DOK6: variants seen among roughly 807,000 people sequenced by gnomAD.
DOK6 encodes the protein docking protein 6, also known as downstream of tyrosine kinase 6.
A neutral mutation model predicts 44.0 loss-of-function variants in DOK6; 22 were observed. That is an observed-to-expected ratio of 0.50 (90% CI 0.36 to 0.71). The LOEUF (loss-of-function observed/expected upper bound fraction) is 0.71, where lower values mean the gene tolerates loss of function less well. Ranked by LOEUF, DOK6 falls within the 30% of genes least tolerant of loss-of-function variation. The pLI, the probability that DOK6 is intolerant of heterozygous loss-of-function variation, is 0.00. For missense variants in DOK6, 340 were observed against 416.4 expected, an observed-to-expected ratio of 0.82 and a Z score of 1.60; for synonymous variants, 166 against 145.5, an observed-to-expected ratio of 1.14 and a Z score of -1.01.
At chr18:69,655,279 TA>T (rs1985331267) in intron 3 of DOK6, among the ~76,000 whole-genome samples, 1 of 151,554 alleles carries the variant, frequency 6.6e-6, no homozygotes, top group African/African-American at 2.4e-5. Flanking sequence ...AAAATAAATA[TA>T]AGAAAAAATA....
chr18:69,495,336 C>T (rs1980852309), intron 1 of DOK6, among the ~76,000 whole-genome samples: 1 of 152,348 alleles, frequency 6.6e-6, no homozygotes, highest in South Asian at 2.1e-4. Flanking sequence ...GCTCTTTCAG[C>T]CCTGCCGTTC....
At chr18:69,720,622 C>G (rs967653574) in intron 5 of DOK6, among the ~76,000 whole-genome samples, 2 of 152,154 alleles carry the variant, frequency 1.3e-5, no homozygotes, top group Admixed American at 6.5e-5. Flanking sequence ...AATGCTGACT[C>G]AATCCTTTTA....
intron 1 of DOK6, among the ~76,000 whole-genome samples, chr18:69,482,442 C>T (rs545756659): frequency 1.3e-5 from 2 of 150,986 alleles, no homozygotes; most frequent in South Asian, 2.1e-4. Flanking sequence ...TGACAATTTT[C>T]TTACAGCATA....
chr18:69,805,629 G>C (rs1055426512), intron 7 of DOK6, among the ~76,000 whole-genome samples: 2 of 152,060 alleles, frequency 1.3e-5, no homozygotes, highest in African/African-American at 4.8e-5. Context: ...GCCATCTCAT[G>C]AATATGTGGG....
At chr18:69,700,262 T>G (rs550735480) in intron 5 of DOK6, among the ~76,000 whole-genome samples, 2 of 141,326 alleles carry the variant, frequency 1.4e-5, no homozygotes, top group South Asian at 4.6e-4. Context: ...TAAGGTTTTG[T>G]CGGGGTTGGG....
At chr18:69,589,667 A>T (rs867746258) in intron 2 of DOK6, among the ~76,000 whole-genome samples, 1 of 152,262 alleles carries the variant, frequency 6.6e-6, no homozygotes, top group Middle Eastern at 3.4e-3. Flanking sequence ...AATTGTAGTG[A>T]GTAAGATCTG....
intron 1 of DOK6, among the ~76,000 whole-genome samples, chr18:69,546,049 G>T (rs151240110): frequency 0.017 from 2,620 of 151,252 alleles, 83 homozygotes; most frequent in African/African-American, 0.057. Context: ...AGGCCAAGGC[G>T]GGCGGATCAC....
chr18:69,710,675 A>G (rs1986735451), intron 5 of DOK6, among the ~76,000 whole-genome samples: 1 of 152,192 alleles, frequency 6.6e-6, no homozygotes, highest in African/African-American at 2.4e-5. Flanking sequence ...GAACTTCCAG[A>G]CACTAGATTT....
At chr18:69,566,151 A>G (rs536982885) in intron 2 of DOK6, among the ~76,000 whole-genome samples, 127 of 151,824 alleles carry the variant, frequency 8.4e-4, no homozygotes, top group Middle Eastern at 3.4e-3. Context: ...TTATTTACTT[A>G]TTTATAGACG....
chr18:69,665,791 C>G (rs1985641735), intron 3 of DOK6, among the ~76,000 whole-genome samples: 1 of 151,398 alleles, frequency 6.6e-6, no homozygotes, highest in South Asian at 2.1e-4. Flanking sequence ...GTAGTTACAC[C>G]CACAGTTTTG....
chr18:69,659,497 C>T (rs4445986), intron 3 of DOK6, among the ~76,000 whole-genome samples: 43,958 of 152,128 alleles, frequency 0.29, 7,507 homozygotes, highest in Non-Finnish European at 0.38. Context: ...CCCTGAGAAA[C>T]TGAACATTGC....
At chr18:69,818,182 G>A (rs1312528337) in intron 7 of DOK6, among the ~76,000 whole-genome samples, 2 of 152,104 alleles carry the variant, frequency 1.3e-5, no homozygotes, top group African/African-American at 4.8e-5. Context: ...TGCGAACAGG[G>A]GGCATTTTGG....
chr18:69,789,230 T>A (rs531415941), intron 7 of DOK6, among the ~76,000 whole-genome samples: 36 of 152,306 alleles, frequency 2.4e-4, no homozygotes, highest in South Asian at 8.3e-4. Flanking sequence ...TTAATGGAAA[T>A]TATTAAATAT....
At chr18:69,516,556 T>C (rs7230697) in intron 1 of DOK6, among the ~76,000 whole-genome samples, 30,093 of 152,152 alleles carry the variant, frequency 0.2, 3,217 homozygotes, top group African/African-American at 0.24. Context: ...GGCAAACATT[T>C]ATCTAAAGGC....
intron 1 of DOK6, among the ~76,000 whole-genome samples, chr18:69,493,453 G>C (rs1374790616): frequency 6.6e-6 from 1 of 152,096 alleles, no homozygotes; most frequent in Non-Finnish European, 1.5e-5. Flanking sequence ...CAGATATTCA[G>C]CCTCAACCAG....
intron 1 of DOK6, among the ~76,000 whole-genome samples, chr18:69,444,950 GT>G (rs1979241815): frequency 6.6e-6 from 1 of 151,858 alleles, no homozygotes; most frequent in African/African-American, 2.4e-5. Flanking sequence ...ACACTATGAA[GT>G]CTTTAAGTCG....
At chr18:69,595,223 T>C (rs1983713549) in intron 2 of DOK6, among the ~76,000 whole-genome samples, 1 of 152,210 alleles carries the variant, frequency 6.6e-6, no homozygotes, top group Non-Finnish European at 1.5e-5. Context: ...CCAATGTCTT[T>C]TTTTACAGAA....
At chr18:69,676,794 G>C (rs1985931969) in intron 3 of DOK6, among the ~76,000 whole-genome samples, 1 of 152,124 alleles carries the variant, frequency 6.6e-6, no homozygotes, top group African/African-American at 2.4e-5. Context: ...GCACAGATAT[G>C]ATCCTAACCC....
intron 3 of DOK6, among the ~76,000 whole-genome samples, chr18:69,645,738 T>C (rs1295783095): frequency 2.6e-5 from 4 of 152,198 alleles, no homozygotes; most frequent in Non-Finnish European, 4.4e-5. Flanking sequence ...TAATTATTCA[T>C]AGCAGCTTTA....
Sources: allele counts gnomAD v4.1 joint callset (sites outside exome capture counted in the v4.1 genomes callset), GRCh38; gene constraint gnomAD v4.1.1; transcripts MANE v1.5; gene names NCBI Gene and HGNC (gene_info 2026-07-23, HGNC 2026-07-21).